The following NFATC3 variants were observed in gnomAD, a reference collection of about 807,000 sequenced individuals.
The protein encoded by NFATC3 is nuclear factor of activated T-cells, cytoplasmic 3.
In NFATC3, 46 loss-of-function variants were observed where a neutral mutation model predicts 98.6. The ratio of observed to expected loss-of-function variants is 0.47; its 90% confidence interval spans 0.37 to 0.60. NFATC3 has a LOEUF of 0.60. NFATC3 is among the 20% of genes least tolerant of loss of function. The pLI is 0.00. For synonymous variants in NFATC3, 512 were observed against 472.2 expected, an observed-to-expected ratio of 1.08 and a Z score of -1.09; for missense variants, 1,256 against 1,295.5, an observed-to-expected ratio of 0.97 and a Z score of 0.47.
intron 1 of NFATC3, among the ~76,000 whole-genome samples, chr16:68,118,086 G>A (rs1250941886): frequency 1.3e-5 from 2 of 152,176 alleles, no homozygotes; most frequent in Admixed American, 1.3e-4. Context: ...AAACCAAGGC[G>A]TTATTTGACT....
Position 68,085,692 on chromosome 16 carries a change from C to T in NFATC3, c.11C>T (p.Ala4Val). Residue 4 changes from alanine (A) to valine (V), a missense_variant, in exon 1 of 10, where the codon GCA becomes GTA. Physicochemically the swap from Ala to Val is moderately conservative, Grantham distance 64. Transcript: ENST00000346183. ...CCCTGGGCCACGCCGATGACTACTGCAAACTGTGGCGCCCACGACGAGCTC... is the reference window on the plus strand; with the variant it reads ...CCCTGGGCCACGCCGATGACTACTGTAAACTGTGGCGCCCACGACGAGCTC... MTT[A>V]NCGAHDELDF... is the part of the protein sequence containing the mutation. 6.6e-7 allele frequency: 1 copy of T among 1,515,568 alleles called. No homozygotes were observed. Among genetic ancestry groups the T allele is most frequent in the African/African-American group, 1.4e-5 (1 of 68,988 alleles). The allele number at this position is 1,515,568 out of a possible 1,614,324, so 93.9% of individuals were successfully genotyped here. A position where few individuals can be genotyped will look rare whatever the true frequency, so the allele number is the denominator to read the frequency against.
chr16:68,129,944 CTGGGATTA>C (rs1567512741), intron 3 of NFATC3, among the ~76,000 whole-genome samples: 1 of 152,062 alleles, frequency 6.6e-6, no homozygotes, highest in Non-Finnish European at 1.5e-5. Flanking sequence ...TCCCAAAGTA[CTGGGATTA>C]TAGGTGTGAG....
chr16:68,110,179 A>G (rs967349349), intron 1 of NFATC3, among the ~76,000 whole-genome samples: 2 of 149,528 alleles, frequency 1.3e-5, no homozygotes, highest in African/African-American at 4.9e-5. Context: ...TAATTTTTGT[A>G]TTTTTAGTAG....
intron 9 of NFATC3, among the ~76,000 whole-genome samples, chr16:68,217,019 G>T (rs976433723): frequency 6.6e-6 from 1 of 152,084 alleles, no homozygotes; most frequent in African/African-American, 2.4e-5. Context: ...TCTTCAAATC[G>T]TGCATGTATT....
intron 5 of NFATC3, among the ~76,000 whole-genome samples, chr16:68,167,529 C>T (rs2039251611): frequency 1.3e-5 from 2 of 152,088 alleles, no homozygotes. Context: ...CAAGAAAAGA[C>T]CCTGCAGCCT....
intron 9 of NFATC3, among the ~76,000 whole-genome samples, chr16:68,217,387 C>T (rs550373470): frequency 6.7e-6 from 1 of 149,158 alleles, no homozygotes; most frequent in South Asian, 2.1e-4. Context: ...GCCAAGATCA[C>T]GCCACTGCAC....
rs1330934246 is a variant in NFATC3 at position 68,191,118 on chromosome 16, C to A, written c.2449C>A (p.Leu817Ile). The change falls in exon 9 of 10, where the codon CTT becomes ATT. Residue 817 changes from leucine (L) to isoleucine (I), a missense_variant. Leu to Ile is a conservative substitution (Grantham distance 5). Around this residue, in one of 3 missense-constraint regions of NFATC3, gnomAD observed 636 missense variants for 617.3 expected, o/e 1.03. Coordinates refer to ENST00000346183, the MANE Select transcript of NFATC3 (RefSeq NM_173165.3). ...TGTTGTGTACAATGGACCAACTTGT[C>A]TTCCTATTAATGCTGCCTCTAGTCA... is the stretch of plus-strand genomic sequence containing the variant. ...TNVVYNGPTC[L>I]PINAASSQEF... 6 of 1,614,086 alleles carry A rather than the reference C, an allele frequency of 3.7e-6. No homozygotes were observed. In the Admixed American group the frequency reaches 5.0e-5, roughly 13 times the overall value.
At chr16:68,096,847 A>G (rs2035044977) in intron 1 of NFATC3, among the ~76,000 whole-genome samples, 1 of 152,210 alleles carries the variant, frequency 6.6e-6, no homozygotes, top group South Asian at 2.1e-4. Context: ...GGGACAGACT[A>G]TTATACTGTA....
At chr16:68,205,052 G>T (rs1414825926) in intron 9 of NFATC3, among the ~76,000 whole-genome samples, 1 of 151,156 alleles carries the variant, frequency 6.6e-6, no homozygotes, top group African/African-American at 2.4e-5. Flanking sequence ...CTCCATCTGG[G>T]CAAGAGACAA....
In NFATC3 at chr16:68,183,380, T is replaced by G. The variant is rs1187530704; in HGVS notation, c.2098+14T>G. The G allele has an allele frequency of 6.2e-7, 1 of 1,609,768 alleles. No individual in the cohort carries two copies. Among genetic ancestry groups the G allele is most frequent in the South Asian group, 1.1e-5 (1 of 90,946 alleles). On this transcript the variant is annotated intron_variant, in intron 8 of 9. Transcript: ENST00000346183. ...CTTATACACCAGGTACGAGGAGTCA[T>G]GATGGTTTACTATAGAGCTTTCTTT...
At chr16:68,121,033 T>C (rs2151499808) in intron 1 of NFATC3, among the ~76,000 whole-genome samples, 1 of 152,118 alleles carries the variant, frequency 6.6e-6, no homozygotes. Flanking sequence ...ATAAGTGTAT[T>C]TCATGTTTAG....
chr16:68,177,691 C>G (rs1051986595), intron 6 of NFATC3, among the ~76,000 whole-genome samples: 5 of 152,058 alleles, frequency 3.3e-5, no homozygotes, highest in Admixed American at 6.6e-5. Context: ...CCCATCACCT[C>G]TCTTTTATAA....
chr16:68,200,496 A>G (rs1434839906), intron 9 of NFATC3: 1 of 151,982 alleles, frequency 6.6e-6, no homozygotes, highest in Non-Finnish European at 1.5e-5. Context: ...GGTGCCTCAT[A>G]CCAATTTTCC....
chr16:68,224,074 GTCTC>G lies in NFATC3; in HGVS notation c.3107-2274_3107-2271del, dbSNP rs2041959331. Among the ~76,000 whole-genome samples the G allele has an allele frequency of 4.9e-5, 7 of 142,500 alleles. 1 individual carries two copies. Among genetic ancestry groups the G allele is most frequent in the African/African-American group, 1.8e-4 (7 of 38,202 alleles). 93.5% of individuals were successfully genotyped at this position (142,500 alleles called of 152,430 possible). A position where few individuals can be genotyped will look rare whatever the true frequency, so the allele number is the denominator to read the frequency against. Reference sequence around the variant, plus strand: ...GTCCTGGCTAACATGGTGAAACCCCGTCTCTACTAAAAATACAAAAAATTAGCCG... The same window carrying G: ...GTCCTGGCTAACATGGTGAAACCCCGTACTAAAAATACAAAAAATTAGCCG... On this transcript the variant is annotated intron_variant, in intron 9 of 9. Transcript: ENST00000346183.
chr16:68,112,222 A>G (rs1348214063), intron 1 of NFATC3, among the ~76,000 whole-genome samples: 2 of 138,806 alleles, frequency 1.4e-5, no homozygotes, highest in African/African-American at 5.3e-5. Context: ...TCCGACTTGG[A>G]TGCGATCTCC....
intron 3 of NFATC3, among the ~76,000 whole-genome samples, chr16:68,142,455 C>G (rs911642176): frequency 1.2e-4 from 19 of 152,042 alleles, no homozygotes; most frequent in Non-Finnish European, 2.5e-4. Flanking sequence ...GCTGCTGATT[C>G]ATTTATCAAA....
rs34713933 is a variant in NFATC3, at chr16:68,152,378, CAAAA to C, written c.1402-5471_1402-5468del. ...TGGGCAACAGAGCGAGACTCTGTCT[CAAAA>C]AAAAAAAAAAAAAAAAAAAGTACCA... On this transcript the variant is annotated intron_variant, in intron 3 of 9. Transcript: ENST00000346183. 3.3e-3 allele frequency among the ~76,000 whole-genome samples: 249 copies of C among 75,858 alleles called. 4 individuals are homozygous for C. Among genetic ancestry groups the C allele is most frequent in the African/African-American group, 0.011 (211 of 18,762 alleles). 49.8% of individuals were successfully genotyped at this position (75,858 alleles called of 152,430 possible).
Position 68,181,480 on chromosome 16 carries a change from C to T in NFATC3, c.1921C>T (p.Arg641Ter), listed in dbSNP as rs748228947. The T allele has an allele frequency of 1.9e-6, 3 of 1,610,412 alleles. No individual in the cohort carries two copies. Among genetic ancestry groups the T allele is most frequent in the African/African-American group, 1.3e-5 (1 of 74,750 alleles). The change falls in exon 7 of 10, where the codon CGA becomes TGA. Residue 641 changes from arginine (R) to a stop codon, truncating the protein, a stop_gained. Transcript: ENST00000346183. LOFTEE classifies it high-confidence loss of function. Reference sequence around the variant, plus strand: ...TAAACTCTTTCTTTCAATAGATGGACGACCTCAGTGGGAGGTAGAAGGGAA... The same window carrying T: ...TAAACTCTTTCTTTCAATAGATGGATGACCTCAGTGGGAGGTAGAAGGGAA... ...IIFLEKGQDG[R>*]PQWEVEGKII... is the part of the protein sequence containing the mutation.
At chr16:68,167,289 A>G (rs1168552552) in intron 5 of NFATC3, among the ~76,000 whole-genome samples, 5 of 152,198 alleles carry the variant, frequency 3.3e-5, no homozygotes, top group Admixed American at 1.3e-4. Context: ...GTAAATGAGA[A>G]TGGGGGGCCT....
Sources: allele counts gnomAD v4.1 joint callset (sites outside exome capture counted in the v4.1 genomes callset), GRCh38; gene constraint gnomAD v4.1.1; regional missense constraint gnomAD v4.1.1; transcripts MANE v1.5; gene names NCBI Gene and HGNC (gene_info 2026-07-23, HGNC 2026-07-21).